LCORL: variants seen among roughly 807,000 people sequenced by gnomAD.
LCORL encodes ligand dependent nuclear receptor corepressor like, also known as ligand-dependent nuclear receptor corepressor-like protein.
In LCORL, 41 loss-of-function variants were observed where a neutral mutation model predicts 141.8. The observed-to-expected ratio is 0.29, with a 90% CI of 0.23 to 0.38. The LOEUF (loss-of-function observed/expected upper bound fraction) is 0.38, where lower values mean the gene tolerates loss of function less well. Ranked by LOEUF, LCORL falls within the 10% of genes least tolerant of loss-of-function variation. LCORL has a pLI of 1.00. For missense variants in LCORL, 1,759 were observed against 2,035.0 expected (o/e 0.86, Z 2.61); for synonymous variants, 618 against 694.1 (o/e 0.89, Z 1.72).
chr4:17,842,083 C>A, exon 8 of LCORL: 1 of 416,712 alleles, frequency 2.4e-6, no homozygotes, highest in Non-Finnish European at 4.4e-6. Context: ...CCTTATTTTC[C>A]CTTACTCATT....
intron 1 of LCORL, among the ~76,000 whole-genome samples, chr4:17,999,739 T>G (rs1721616462): frequency 6.6e-6 from 1 of 152,134 alleles, no homozygotes; most frequent in Admixed American, 6.5e-5. Context: ...TTAAGGACAC[T>G]AGTAGGTGGG....
intron 1 of LCORL, among the ~76,000 whole-genome samples, chr4:18,000,149 A>G (rs1197111063): frequency 6.9e-6 from 1 of 144,024 alleles, no homozygotes; most frequent in Non-Finnish European, 1.5e-5. Context: ...TTTTGCACTG[A>G]AAGAGTGAAT....
Position 17,941,666 on chromosome 4 carries a change from T to C in LCORL, c.430+20237A>G, listed in dbSNP as rs953702287. 1.1e-4 allele frequency among the ~76,000 whole-genome samples: 17 copies of C among 152,188 alleles called. 1 individual carries two copies. Among genetic ancestry groups the C allele is most frequent in the East Asian group, 1.9e-4 (1 of 5,200 alleles). Reference sequence around the variant, plus strand: ...TCCAGCTAGCCTCTTACCCTTGATATACAAAACACTTAAGTATTGTAATTG... The same window carrying C: ...TCCAGCTAGCCTCTTACCCTTGATACACAAAACACTTAAGTATTGTAATTG... On this transcript the variant is annotated intron_variant, in intron 4 of 7. Coordinates refer to ENST00000635767, the Ensembl canonical transcript of LCORL.
rs138177465 is a variant in LCORL at position 17,914,989 on chromosome 4, T to C, written c.431-5644A>G. ...GCCCAAGTATTTGTCACTTTGGAGA[T>C]TATGTTATAAATGAATGAAGTTTTC... On this transcript the variant is annotated intron_variant, in intron 4 of 7. Transcript: ENST00000635767. Among the ~76,000 whole-genome samples, 13 of 152,304 alleles carry C rather than the reference T, an allele frequency of 8.5e-5. No homozygotes were observed. In the East Asian group the frequency reaches 2.3e-3, roughly 27 times the overall value.
chr4:17,952,676 G>A (rs1232153683), intron 4 of LCORL, among the ~76,000 whole-genome samples: 1 of 152,098 alleles, frequency 6.6e-6, no homozygotes, highest in South Asian at 2.1e-4. Context: ...CGGCCTCCCA[G>A]AGTGCTGGGA....
intron 1 of LCORL, among the ~76,000 whole-genome samples, chr4:18,015,821 T>C (rs535035029): frequency 1.3e-5 from 2 of 148,320 alleles, no homozygotes; most frequent in East Asian, 3.9e-4. Context: ...AAATAGAGAG[T>C]AGATACCGAC....
intron 7 of LCORL, among the ~76,000 whole-genome samples, chr4:17,868,110 C>T (rs1725902728): frequency 1.3e-5 from 2 of 152,026 alleles, no homozygotes; most frequent in African/African-American, 4.8e-5. Flanking sequence ...GTTCAGTGTT[C>T]AAAATATGTG....
intron 4 of LCORL, among the ~76,000 whole-genome samples, chr4:17,921,177 C>T (rs1435821422): frequency 1.3e-5 from 2 of 151,080 alleles, no homozygotes; most frequent in Non-Finnish European, 3.0e-5. Context: ...GCACACACCA[C>T]CACACCTGGT....
chr4:17,882,616 C>A (rs935297331), intron 6 of LCORL: 1 of 984,464 alleles, frequency 1.0e-6, no homozygotes, highest in Non-Finnish European at 1.2e-6. Flanking sequence ...GAACAAACTG[C>A]AAATTTGGTT....
At chr4:17,990,892 G>C (rs751344840) in intron 1 of LCORL, among the ~76,000 whole-genome samples, 1 of 151,972 alleles carries the variant, frequency 6.6e-6, no homozygotes, top group Non-Finnish European at 1.5e-5. Flanking sequence ...AAAAGTCCAC[G>C]ATCCTCAAAA....
intron 1 of LCORL, among the ~76,000 whole-genome samples, chr4:18,011,429 T>TAAA (rs1301468567): frequency 7.5e-6 from 1 of 134,210 alleles, no homozygotes. Flanking sequence ...TTACCCATTT[T>TAAA]AAAAAAAAAA....
intron 5 of LCORL, among the ~76,000 whole-genome samples, chr4:17,897,725 G>C (rs933532918): frequency 5.3e-5 from 8 of 151,954 alleles, no homozygotes; most frequent in African/African-American, 1.9e-4. Context: ...TTTCATACTT[G>C]ACCACCTGGG....
intron 4 of LCORL, among the ~76,000 whole-genome samples, chr4:17,943,388 A>G (rs1008198642): frequency 6.6e-6 from 1 of 152,212 alleles, no homozygotes. Flanking sequence ...GCAATAAACT[A>G]ATCTTTTAAA....
intron 7 of LCORL, among the ~76,000 whole-genome samples, chr4:17,864,242 T>TAA (rs1560265178): frequency 6.6e-6 from 1 of 151,986 alleles, no homozygotes; most frequent in South Asian, 2.1e-4. Context: ...ACTTTTTTTT[T>TAA]AAAACAGTGT....
At chr4:18,019,199 C>G (rs13112545) in intron 1 of LCORL, among the ~76,000 whole-genome samples, 38 of 152,118 alleles carry the variant, frequency 2.5e-4, no homozygotes, top group African/African-American at 8.0e-4. Flanking sequence ...ATTATCTGGG[C>G]GTGGTGGCGG....
intron 1 of LCORL, among the ~76,000 whole-genome samples, chr4:17,987,341 A>G (rs1719153726): frequency 6.6e-6 from 1 of 152,204 alleles, no homozygotes; most frequent in African/African-American, 2.4e-5. Context: ...GGCTTCTTTC[A>G]CTGAGCATAA....
At chr4:17,933,269 A>G (rs1736339006) in intron 4 of LCORL, among the ~76,000 whole-genome samples, 2 of 152,116 alleles carry the variant, frequency 1.3e-5, no homozygotes, top group African/African-American at 2.4e-5. Context: ...TAGTTTCAAC[A>G]TGTTCCACTA....
intron 5 of LCORL, among the ~76,000 whole-genome samples, chr4:17,901,984 A>G (rs1730958097): frequency 6.6e-6 from 1 of 152,032 alleles, no homozygotes; most frequent in Non-Finnish European, 1.5e-5. Flanking sequence ...CTTTCCTAAG[A>G]AACTAATGTT....
chr4:17,912,942 GC>G, intron 4 of LCORL: 1 of 466,062 alleles, frequency 2.1e-6, no homozygotes, highest in Non-Finnish European at 4.2e-6. Flanking sequence ...GCAAAGTGGT[GC>G]CCGAGACCAG....
Sources: allele counts gnomAD v4.1 joint callset (sites outside exome capture counted in the v4.1 genomes callset), GRCh38; gene constraint gnomAD v4.1.1; transcripts MANE v1.5; gene names NCBI Gene and HGNC (gene_info 2026-07-23, HGNC 2026-07-21).